Variants in RAB14 observed in about 807,000 individuals in gnomAD.
The protein encoded by RAB14 is RAB14, member RAS oncogene family.
A neutral mutation model predicts 31.1 loss-of-function variants in RAB14; 3 were observed. The ratio of observed to expected loss-of-function variants is 0.10; its 90% CI spans 0.04 to 0.25. RAB14 has a LOEUF of 0.25. Ranked by LOEUF, RAB14 falls within the 10% of genes least tolerant of loss-of-function variation. The pLI is 1.00. For synonymous variants in RAB14, 85 were observed against 84.9 expected, an observed-to-expected ratio of 1.00 and a Z score of 0.00; for missense variants, 111 against 260.1, an observed-to-expected ratio of 0.43 and a Z score of 3.94.
At chr9:121,190,848 G>A (rs2053682579) in intron 3 of RAB14, 117 bp from the exon 4 acceptor site, 4 of 942,224 alleles carry the variant, frequency 4.2e-6, no homozygotes, top group Non-Finnish European at 4.6e-6. Flanking sequence ...GCTATAAATA[G>A]ACTAAAGCTA....
chr9:121,199,636 A>G (rs2053742442), intron 1 of RAB14, among the ~76,000 whole-genome samples: 1 of 152,256 alleles, frequency 6.6e-6, no homozygotes, highest in African/African-American at 2.4e-5. Flanking sequence ...GTTTAACTGT[A>G]ATACAAAAAA....
At position 121,190,721 on chromosome 9, in the gene RAB14, A is replaced by T; in HGVS notation, c.117T>A (p.Asp39Glu). 2 of 1,613,088 alleles carry T rather than the reference A, an allele frequency of 1.2e-6. No homozygotes were observed. The highest frequency in any genetic ancestry group is 1.7e-6 in the Non-Finnish European group (2 of 1,179,372). Reference protein sequence around the residue: ...HQFTEKKFMADCPHTIGVEFG... With the variant: ...HQFTEKKFMAECPHTIGVEFG... ...ATTCAACACCAATTGTGTGAGGACA[A>T]TCAGCCATAACTGTTAAGGAGGAAA... Residue 39 changes from aspartate to glutamate, a missense_variant, in exon 4 of 8, where the codon GAT becomes GAA. By Grantham distance (45) the Asp-to-Glu change is conservative. Coordinates refer to ENST00000373840, the MANE Select transcript of RAB14 (RefSeq NM_016322.4).
At chr9:121,198,129 TAAC>T (rs748113039) in intron 1 of RAB14, among the ~76,000 whole-genome samples, 1 of 152,036 alleles carries the variant, frequency 6.6e-6, no homozygotes, top group Admixed American at 6.6e-5. Context: ...GAGAAATTAT[TAAC>T]TTTTCTTTAT....
intron 3 of RAB14, 87 bp from the exon 4 acceptor site, chr9:121,190,818 T>A: frequency 7.7e-7 from 1 of 1,301,784 alleles, no homozygotes; most frequent in African/African-American, 1.5e-5. Context: ...AATAAGCAAA[T>A]GGCTTACTAA....
chr9:121,189,044 C>T (rs936176290), intron 4 of RAB14, among the ~76,000 whole-genome samples: 5 of 152,072 alleles, frequency 3.3e-5, no homozygotes, highest in Non-Finnish European at 5.9e-5. Context: ...TGAAATCATA[C>T]AGTATGTGTC....
intron 2 of RAB14, among the ~76,000 whole-genome samples, chr9:121,192,468 G>C (rs1170223842): frequency 2.0e-5 from 3 of 151,972 alleles, no homozygotes; most frequent in African/African-American, 7.2e-5. Context: ...CACCAGCTGG[G>C]AAGTGCTTAT....
chr9:121,196,898 TCTTA>T (rs1351803746), intron 1 of RAB14, among the ~76,000 whole-genome samples: 2 of 152,202 alleles, frequency 1.3e-5, no homozygotes, highest in Non-Finnish European at 2.9e-5. Flanking sequence ...TTTTTATAAT[TCTTA>T]CTTAATTCTC....
chr9:121,195,693 C>A (rs1350468591), intron 1 of RAB14, among the ~76,000 whole-genome samples: 2 of 152,060 alleles, frequency 1.3e-5, no homozygotes, highest in African/African-American at 2.4e-5. Flanking sequence ...ATTTTTCTTG[C>A]TCGTTTCTTT....
intron 3 of RAB14, among the ~76,000 whole-genome samples, chr9:121,191,800 A>G (rs897663575): frequency 1.2e-4 from 18 of 152,306 alleles, no homozygotes; most frequent in Middle Eastern, 3.4e-3. Flanking sequence ...AAAGAATTCC[A>G]TTTTAAGTAT....
intron 5 of RAB14, among the ~76,000 whole-genome samples, chr9:121,184,110 G>A (rs1308035608): frequency 6.6e-6 from 1 of 152,176 alleles, no homozygotes; most frequent in Admixed American, 6.5e-5. Flanking sequence ...TTAGATCTCA[G>A]GTAGAAACCC....
intron 7 of RAB14, 125 bp from the exon 8 acceptor site, chr9:121,181,698 G>A (rs2053633839): frequency 2.0e-6 from 1 of 507,746 alleles, no homozygotes; most frequent in Non-Finnish European, 3.3e-6. Context: ...CATCTAATAA[G>A]AGATTACCAG....
At chr9:121,192,253 G>A (rs746659386) in intron 2 of RAB14, 29 bp from the exon 3 acceptor site, 2 of 1,536,716 alleles carry the variant, frequency 1.3e-6, no homozygotes, top group Non-Finnish European at 8.9e-7. Context: ...GTTTCAGGTG[G>A]CAATTACATT....
chr9:121,201,028 G>C (rs79143346), intron 1 of RAB14, among the ~76,000 whole-genome samples: 3 of 152,188 alleles, frequency 2.0e-5, no homozygotes, highest in Non-Finnish European at 4.4e-5. Context: ...CCAAAACCAG[G>C]ACATCGCAAG....
At chr9:121,194,535 A>G (rs2053704825) in intron 1 of RAB14, among the ~76,000 whole-genome samples, 1 of 152,212 alleles carries the variant, frequency 6.6e-6, no homozygotes, top group Non-Finnish European at 1.5e-5. Context: ...AAAACTGGTA[A>G]TAACTTTCAA....
At chr9:121,194,770 T>C (rs920813550) in intron 1 of RAB14, among the ~76,000 whole-genome samples, 1 of 152,152 alleles carries the variant, frequency 6.6e-6, no homozygotes, top group Admixed American at 6.6e-5. Context: ...AAGTTCTATA[T>C]AACAACATTG....
intron 4 of RAB14, among the ~76,000 whole-genome samples, chr9:121,190,251 C>T (rs952547716): frequency 1.3e-5 from 2 of 152,026 alleles, no homozygotes; most frequent in African/African-American, 4.8e-5. Context: ...CTTAAAAGAA[C>T]ATTTTATATA....
At chr9:121,193,311 T>G (rs1352953915) in intron 2 of RAB14, 50 bp downstream of exon 2, 10 of 1,264,640 alleles carry the variant, frequency 7.9e-6, no homozygotes, top group Non-Finnish European at 1.1e-5. Flanking sequence ...ATAAATATTT[T>G]GTATGTTAAC....
rs1236173927 is a variant in RAB14 at position 121,192,321 on chromosome 9, T to C, written c.53-97A>G. ...TACCATATAACATATCACAAGTTTCTGGGACACTTAACAAATTTTTATTTT... is the reference window on the plus strand; with the variant it reads ...TACCATATAACATATCACAAGTTTCCGGGACACTTAACAAATTTTTATTTT... On this transcript the variant is annotated intron_variant, in intron 2 of 7. Transcript: ENST00000373840. The C allele has an allele frequency of 2.9e-5, 24 of 826,624 alleles. No homozygotes were observed. In the Admixed American group the frequency reaches 6.6e-4, roughly 23 times the overall value. 51.2% of individuals were successfully genotyped at this position (826,624 alleles called of 1,614,324 possible). A position where few individuals can be genotyped will look rare whatever the true frequency, so the allele number is the denominator to read the frequency against.
intron 1 of RAB14, among the ~76,000 whole-genome samples, chr9:121,200,288 A>G (rs958074532): frequency 6.6e-6 from 1 of 152,244 alleles, no homozygotes; most frequent in African/African-American, 2.4e-5. Context: ...GGATTACTGC[A>G]AGGTCAAGTT....
Sources: allele counts gnomAD v4.1 joint callset (sites outside exome capture counted in the v4.1 genomes callset), GRCh38; gene constraint gnomAD v4.1.1; transcripts MANE v1.5; gene names NCBI Gene and HGNC (gene_info 2026-07-23, HGNC 2026-07-21).